Variants in DAB1 observed in about 807,000 individuals in gnomAD.
DAB1 encodes disabled homolog 1.
DAB1 carries 15 observed loss-of-function variants against 64.6 expected under a neutral mutation model. The ratio of observed to expected loss-of-function variants is 0.23; its 90% CI spans 0.16 to 0.36. The LOEUF is 0.36. DAB1 is among the 10% of genes least tolerant of loss of function. DAB1 has a pLI of 1.00. For missense variants in DAB1, 596 were observed against 706.7 expected (o/e 0.84, Z 1.78); for synonymous variants, 235 against 251.9 (o/e 0.93, Z 0.64).
chr1:57,088,296 C>A (rs1653301441), intron 4 of DAB1, among the ~76,000 whole-genome samples: 1 of 152,162 alleles, frequency 6.6e-6, no homozygotes, highest in Admixed American at 6.5e-5. Context: ...GTCTTGAACT[C>A]CTGACCTCAG....
chr1:57,235,514 T>C (rs1329760199), intron 2 of DAB1, among the ~76,000 whole-genome samples: 1 of 152,162 alleles, frequency 6.6e-6, no homozygotes, highest in Non-Finnish European at 1.5e-5. Flanking sequence ...TAAATGATTG[T>C]GTAGCAGCTC....
chr1:57,722,888 A>G (rs1055473457), intron 6 of DAB1, among the ~76,000 whole-genome samples: 7 of 152,072 alleles, frequency 4.6e-5, no homozygotes, highest in Non-Finnish European at 8.8e-5. Flanking sequence ...CCACGCCCTA[A>G]ATCTCCCCAA....
At chr1:57,107,246 A>G (rs1655248596) in intron 4 of DAB1, among the ~76,000 whole-genome samples, 1 of 152,080 alleles carries the variant, frequency 6.6e-6, no homozygotes, top group South Asian at 2.1e-4. Flanking sequence ...ATGTTGGTGG[A>G]TGCCTGTAAT....
At chr1:58,402,160 C>G (rs1232510645) in intron 3 of DAB1, among the ~76,000 whole-genome samples, 1 of 152,126 alleles carries the variant, frequency 6.6e-6, no homozygotes, top group Non-Finnish European at 1.5e-5. Context: ...GTTCATCCAG[C>G]TCCCTTAAAA....
At chr1:57,696,964 C>G (rs898154537) in intron 6 of DAB1, among the ~76,000 whole-genome samples, 6 of 152,148 alleles carry the variant, frequency 3.9e-5, no homozygotes, top group Non-Finnish European at 8.8e-5. Context: ...ATAGTCAATG[C>G]AGGAAGTTTC....
chr1:57,474,303 C>T (rs1353413976), intron 7 of DAB1, among the ~76,000 whole-genome samples: 1 of 152,200 alleles, frequency 6.6e-6, no homozygotes, highest in Non-Finnish European at 1.5e-5. Flanking sequence ...TCATGGAATA[C>T]TTTTTTGCTA....
At chr1:57,546,666 A>G (rs1644859960) in intron 7 of DAB1, among the ~76,000 whole-genome samples, 1 of 152,224 alleles carries the variant, frequency 6.6e-6, no homozygotes, top group Admixed American at 6.5e-5. Context: ...CACGCACTGC[A>G]TAATGTTTTC....
chr1:58,252,413 G>T (rs1401515855), intron 4 of DAB1, among the ~76,000 whole-genome samples: 1 of 152,220 alleles, frequency 6.6e-6, no homozygotes, highest in Non-Finnish European at 1.5e-5. Context: ...CATCTAGTTA[G>T]AAGCATGCAG....
intron 1 of DAB1, among the ~76,000 whole-genome samples, chr1:57,384,349 C>T (rs4912242): frequency 0.12 from 17,631 of 152,118 alleles, 1,132 homozygotes; most frequent in Admixed American, 0.15. Context: ...AACAGTATGA[C>T]GGTTCCGCAA....
chr1:58,277,043 T>C (rs905493157), intron 4 of DAB1, among the ~76,000 whole-genome samples: 59 of 143,166 alleles, frequency 4.1e-4, no homozygotes, highest in Middle Eastern at 3.5e-3. Flanking sequence ...TTTTCTTTTT[T>C]TTTTTTTTTT....
intron 6 of DAB1, among the ~76,000 whole-genome samples, chr1:57,685,866 G>T (rs1646691212): frequency 6.6e-6 from 1 of 152,110 alleles, no homozygotes; most frequent in Non-Finnish European, 1.5e-5. Context: ...AATTTATGAA[G>T]ATAATGATAC....
At chr1:57,855,182 AG>A (rs1392249030) in intron 1 of DAB1, among the ~76,000 whole-genome samples, 1 of 152,132 alleles carries the variant, frequency 6.6e-6, no homozygotes, top group Admixed American at 6.5e-5. Context: ...GAGGAAGCTG[AG>A]GGGGAGGGGT....
At chr1:58,127,176 T>C (rs1467662198) in intron 5 of DAB1, among the ~76,000 whole-genome samples, 1 of 151,906 alleles carries the variant, frequency 6.6e-6, no homozygotes, top group Non-Finnish European at 1.5e-5. Flanking sequence ...TGGTATCTCA[T>C]TGTGATTTTG....
intron 7 of DAB1, among the ~76,000 whole-genome samples, chr1:57,474,113 CT>C (rs1335875491): frequency 6.6e-6 from 1 of 152,148 alleles, no homozygotes; most frequent in African/African-American, 2.4e-5. Flanking sequence ...CTTGCTTTTT[CT>C]CCTCTTTAAA....
At chr1:57,886,289 C>T (rs1238112957), upstream of DAB1, among the ~76,000 whole-genome samples, 1 of 151,788 alleles carries the variant, frequency 6.6e-6, no homozygotes, top group Admixed American at 6.6e-5. Flanking sequence ...CTCTGGAGTA[C>T]CTGGGATTTT....
intron 7 of DAB1, among the ~76,000 whole-genome samples, chr1:57,632,896 A>C (rs1293240549): frequency 6.6e-6 from 1 of 152,212 alleles, no homozygotes; most frequent in Non-Finnish European, 1.5e-5. Context: ...CTTTTCTTTT[A>C]AATTTAAAGC....
At chr1:57,848,928 T>G (rs1653405517) in intron 1 of DAB1, among the ~76,000 whole-genome samples, 1 of 152,206 alleles carries the variant, frequency 6.6e-6, no homozygotes, top group African/African-American at 2.4e-5. Context: ...TCCTCACATC[T>G]GAAAGAAGAA....
At chr1:57,929,663 G>T (rs867055011) in intron 5 of DAB1, among the ~76,000 whole-genome samples, 1 of 152,152 alleles carries the variant, frequency 6.6e-6, no homozygotes, top group Non-Finnish European at 1.5e-5. Flanking sequence ...GGGAAAGATG[G>T]TGTGGGCATC....
intron 1 of DAB1, among the ~76,000 whole-genome samples, chr1:57,371,035 G>A (rs1016173565): frequency 6.6e-6 from 1 of 152,132 alleles, no homozygotes; most frequent in Non-Finnish European, 1.5e-5. Context: ...TCATAGCTCT[G>A]GCAGGGCAGC....
Sources: allele counts gnomAD v4.1 joint callset (sites outside exome capture counted in the v4.1 genomes callset), GRCh38; gene constraint gnomAD v4.1.1; transcripts MANE v1.5; gene names NCBI Gene and HGNC (gene_info 2026-07-23, HGNC 2026-07-21).